TTPA: variants seen among roughly 807,000 people sequenced by gnomAD.
The protein encoded by TTPA is alpha-tocopherol transfer protein.
Under a neutral mutation model 25.9 loss-of-function variants are expected in TTPA, and 23 were observed. The observed-to-expected ratio is 0.89, with a 90% CI of 0.64 to 1.26. The LOEUF (loss-of-function observed/expected upper bound fraction) is 1.26, where lower values mean the gene tolerates loss of function less well. TTPA is among the 50% of genes most tolerant of loss of function. TTPA has a pLI of 0.00. For synonymous variants in TTPA, 148 were observed against 137.3 expected (o/e 1.08, Z -0.54); for missense variants, 337 against 353.1 (o/e 0.95, Z 0.37).
chr8:63,065,013 G>A (rs577908907), intron 3 of TTPA, among the ~76,000 whole-genome samples: 51 of 152,020 alleles, frequency 3.4e-4, no homozygotes, highest in South Asian at 2.3e-3. Context: ...TTTTCATCCC[G>A]TTGTGTTCCA....
intron 4 of TTPA, among the ~76,000 whole-genome samples, chr8:63,063,826 C>G: frequency 6.6e-6 from 1 of 152,058 alleles, no homozygotes. Context: ...TAATGGTGAA[C>G]ACTTCCTGGT....
rs977195591 is a variant in TTPA, at chr8:63,060,349, A to G, written c.*903T>C. The stretch of plus-strand genomic sequence containing the variant: ...TTTTCTAAATTATTTTTGTTAATCA[A>G]TTACATCAACATGATTTCACAGAGA... On this transcript the variant is annotated 3_prime_UTR_variant, in exon 5 of 5. Coordinates refer to ENST00000260116, the MANE Select transcript of TTPA (RefSeq NM_000370.3). The G allele has an allele frequency of 2.6e-5, 4 of 152,194 alleles. No individual in the cohort carries two copies. The highest frequency in any genetic ancestry group is 9.7e-5 in the African/African-American group (4 of 41,448). 9.4% of individuals were successfully genotyped at this position (152,194 alleles called of 1,614,324 possible).
intron 3 of TTPA, 55 bp downstream of exon 3, chr8:63,065,849 A>T (rs1270575162): frequency 2.5e-6 from 4 of 1,577,758 alleles, no homozygotes; most frequent in Non-Finnish European, 3.5e-6. Context: ...CATATAACAA[A>T]ATTTAAAACT....
chr8:63,065,695 C>T (rs1455628017), intron 3 of TTPA, among the ~76,000 whole-genome samples: 3 of 152,134 alleles, frequency 2.0e-5, no homozygotes, highest in Non-Finnish European at 4.4e-5. Flanking sequence ...CTAATTTGAA[C>T]ATATTTTTGC....
intron 1 of TTPA, among the ~76,000 whole-genome samples, chr8:63,084,803 T>G (rs1805722002): frequency 6.6e-6 from 1 of 152,226 alleles, no homozygotes; most frequent in Non-Finnish European, 1.5e-5. Flanking sequence ...ATAATTTTAC[T>G]TAAGTTAAAA....
At chr8:63,083,875 T>C (rs1563366427) in intron 1 of TTPA, among the ~76,000 whole-genome samples, 1 of 150,792 alleles carries the variant, frequency 6.6e-6, no homozygotes, top group Non-Finnish European at 1.5e-5. Flanking sequence ...TTATAGAGTT[T>C]TTTTTCTTTT....
At chr8:63,081,060 G>T (rs927454538) in intron 1 of TTPA, among the ~76,000 whole-genome samples, 1 of 151,008 alleles carries the variant, frequency 6.6e-6, no homozygotes, top group East Asian at 1.9e-4. Flanking sequence ...TCTAACAGAG[G>T]TACAAAAAGG....
chr8:63,064,119 G>A lies in TTPA; in HGVS notation c.663+87C>T, dbSNP rs544368387. The A allele has an allele frequency of 3.8e-5, 36 of 943,914 alleles. No individual in the cohort carries two copies. In the African/African-American group the frequency reaches 5.0e-4, roughly 13 times the overall value. The allele number at this position is 943,914 out of a possible 1,614,324, so 58.5% of individuals were successfully genotyped here. A position where few individuals can be genotyped will look rare whatever the true frequency, so the allele number is the denominator to read the frequency against. ...GCTAATGATATAGATGGGCAGGTAC[G>A]AGGAAAGATGATAAAGCAATCCTTA... On this transcript the variant is annotated intron_variant, in intron 4 of 4. Coordinates refer to ENST00000260116, the MANE Select transcript of TTPA (RefSeq NM_000370.3).
intron 1 of TTPA, among the ~76,000 whole-genome samples, chr8:63,077,551 T>G (rs1457442640): frequency 6.6e-6 from 1 of 152,238 alleles, no homozygotes; most frequent in Non-Finnish European, 1.5e-5. Context: ...GGAGCCTTGC[T>G]CACTGCTAGC....
Position 63,060,192 on chromosome 8 carries a change from G to C in TTPA, c.*1060C>G, listed in dbSNP as rs1805282454. On this transcript the variant is annotated 3_prime_UTR_variant, in exon 5 of 5. Coordinates refer to ENST00000260116, the MANE Select transcript of TTPA (RefSeq NM_000370.3). ...TTAACTAAAAACAGTCCATGTATAA[G>C]ACAAGTAAGTATGATTCCATCCCTT... 6.6e-6 allele frequency: 1 copy of C among 152,150 alleles called. No homozygotes were observed. Among genetic ancestry groups the C allele is most frequent in the South Asian group, 2.1e-4 (1 of 4,832 alleles). 9.4% of individuals were successfully genotyped at this position (152,150 alleles called of 1,614,324 possible). A position where few individuals can be genotyped will look rare whatever the true frequency, so the allele number is the denominator to read the frequency against.
chr8:63,083,119 CA>C (rs1343941520), intron 1 of TTPA, among the ~76,000 whole-genome samples: 1 of 152,148 alleles, frequency 6.6e-6, no homozygotes, highest in Non-Finnish European at 1.5e-5. Flanking sequence ...CCATTTGACC[CA>C]GCAATCCCAT....
chr8:63,058,451 CAAAT>C (rs1805237884), downstream of TTPA, among the ~76,000 whole-genome samples: 1 of 152,114 alleles, frequency 6.6e-6, no homozygotes, highest in African/African-American at 2.4e-5. Context: ...AATATTAAAA[CAAAT>C]AAATTACGTG....
At chr8:63,075,717 A>AAAAG (rs1805552644) in intron 1 of TTPA, among the ~76,000 whole-genome samples, 10 of 147,064 alleles carry the variant, frequency 6.8e-5, no homozygotes, top group East Asian at 5.9e-4. Context: ...AAAAAAAAAA[A>AAAAG]AAAAGTAAAG....
intron 3 of TTPA, among the ~76,000 whole-genome samples, chr8:63,065,665 A>T (rs1293682740): frequency 6.6e-6 from 1 of 152,190 alleles, no homozygotes; most frequent in Non-Finnish European, 1.5e-5. Context: ...ACATATTAAG[A>T]TGCATAAATC....
chr8:63,071,393 C>A (rs1167824226), intron 2 of TTPA, among the ~76,000 whole-genome samples: 2 of 152,070 alleles, frequency 1.3e-5, no homozygotes, highest in Non-Finnish European at 2.9e-5. Flanking sequence ...TATTTTAAAT[C>A]TTTAAAGATA....
chr8:63,066,161 G>C (rs895383170), intron 2 of TTPA, 64 bp from the exon 3 acceptor site: 1 of 1,434,602 alleles, frequency 7.0e-7, no homozygotes, highest in African/African-American at 1.4e-5. Flanking sequence ...TTTCCAAAGG[G>C]AGACTAATTC....
At chr8:63,072,832 T>C in intron 2 of TTPA, 103 bp downstream of exon 2, 3 of 1,360,256 alleles carry the variant, frequency 2.2e-6, no homozygotes, top group South Asian at 1.2e-5. Flanking sequence ...GCTTTCTATA[T>C]GGTATTCAAG....
At chr8:63,079,634 A>C (rs114163261) in intron 1 of TTPA, among the ~76,000 whole-genome samples, 7,709 of 151,832 alleles carry the variant, frequency 0.051, 287 homozygotes, top group African/African-American at 0.1. Flanking sequence ...AACTATCCTA[A>C]ATACACCCAA....
intron 1 of TTPA, among the ~76,000 whole-genome samples, chr8:63,075,202 G>T (rs751777534): frequency 3.2e-4 from 48 of 152,194 alleles, no homozygotes; most frequent in Non-Finnish European, 4.9e-4. Flanking sequence ...TCATTGGAAG[G>T]TGTCTGTTTT....
Sources: allele counts gnomAD v4.1 joint callset (sites outside exome capture counted in the v4.1 genomes callset), GRCh38; gene constraint gnomAD v4.1.1; transcripts MANE v1.5; gene names NCBI Gene and HGNC (gene_info 2026-07-23, HGNC 2026-07-21).